Variants in G3BP2 observed in about 807,000 individuals in gnomAD.
G3BP2 encodes the protein G3BP stress granule assembly factor 2.
A neutral mutation model predicts 56.7 loss-of-function variants in G3BP2; 11 were observed. That is an observed-to-expected ratio of 0.19 (90% confidence interval 0.12 to 0.32). The LOEUF (loss-of-function observed/expected upper bound fraction) is 0.32. Among genes scored for constraint, G3BP2 ranks in the 10% least tolerant of loss-of-function variants. The pLI, the probability that G3BP2 is intolerant of heterozygous loss-of-function variation, is 1.00. For missense variants in G3BP2, 340 were observed against 610.9 expected (o/e 0.56, Z 4.67); for synonymous variants, 165 against 191.6 (o/e 0.86, Z 1.15).
intron 1 of G3BP2, among the ~76,000 whole-genome samples, chr4:75,671,127 T>C (rs1363337148): frequency 6.6e-6 from 1 of 152,210 alleles, no homozygotes; most frequent in East Asian, 1.9e-4. Flanking sequence ...GACCAATTTA[T>C]TCTATCGGAT....
chr4:75,672,011 C>T (rs1733525382), intron 1 of G3BP2, among the ~76,000 whole-genome samples: 1 of 152,198 alleles, frequency 6.6e-6, no homozygotes, highest in Non-Finnish European at 1.5e-5. Context: ...TTTCCTAGAT[C>T]CAGGTACCTG....
intron 3 of G3BP2, among the ~76,000 whole-genome samples, chr4:75,704,624 A>AT (rs1719474874): frequency 6.8e-6 from 1 of 147,220 alleles, no homozygotes; most frequent in East Asian, 2.1e-4. Flanking sequence ...GGCCCAATAT[A>AT]TTTTTTTAAT....
At chr4:75,658,976 A>G (rs748499897) in intron 2 of G3BP2, 52 bp from the exon 3 acceptor site, 28 of 1,368,148 alleles carry the variant, frequency 2.0e-5, no homozygotes, top group African/African-American at 1.1e-4. Flanking sequence ...GAAGCCTAAG[A>G]AGCAGAATTC....
intron 8 of G3BP2, among the ~76,000 whole-genome samples, chr4:75,653,765 C>A (rs1021258947): frequency 3.3e-5 from 5 of 151,976 alleles, no homozygotes; most frequent in African/African-American, 1.2e-4. Flanking sequence ...CTGGTAAAAA[C>A]CAACTTAATC....
intron 3 of G3BP2, among the ~76,000 whole-genome samples, chr4:75,684,948 C>A (rs1296360244): frequency 6.6e-6 from 1 of 151,976 alleles, no homozygotes; most frequent in Non-Finnish European, 1.5e-5. Context: ...ATAAAGAATA[C>A]TATTTTTTAT....
chr4:75,701,312 GAC>G (rs1719334867), intron 3 of G3BP2, among the ~76,000 whole-genome samples: 1 of 152,000 alleles, frequency 6.6e-6, no homozygotes, highest in African/African-American at 2.4e-5. Flanking sequence ...TTCTTTTTGA[GAC>G]ACAGTCTCAC....
intron 3 of G3BP2, among the ~76,000 whole-genome samples, chr4:75,678,999 A>G (rs1318490130): frequency 6.6e-6 from 1 of 152,202 alleles, no homozygotes; most frequent in Non-Finnish European, 1.5e-5. Context: ...AACAACTTAC[A>G]TTTGTATAGC....
intron 8 of G3BP2, among the ~76,000 whole-genome samples, chr4:75,649,260 G>T (rs1385885586): frequency 6.6e-6 from 1 of 152,094 alleles, no homozygotes; most frequent in Non-Finnish European, 1.5e-5. Context: ...ATAAAAATTA[G>T]CTTGCTCTAA....
In G3BP2 at chr4:75,645,711, AAG is replaced by A; in HGVS notation, c.1177-11_1177-10del. On this transcript the variant is annotated splice_polypyrimidine_tract_variant and intron_variant, in intron 11 of 11. Transcript: ENST00000359707. ...CCTCGAAACATAATCGGCTTTATAA[AAG>A]AGAAGAAAAATATTTACATGGGCAG... 1 of 1,611,550 alleles carries A rather than the reference AAG, an allele frequency of 6.2e-7. No homozygotes were observed. The highest frequency in any genetic ancestry group is 2.2e-5 in the East Asian group (1 of 44,876).
chr4:75,661,635 G>A, intron 2 of G3BP2: 1 of 201,308 alleles, frequency 5.0e-6, no homozygotes, highest in Non-Finnish European at 1.0e-5. Context: ...TCCACCCTGA[G>A]TGACAGAGGA....
chr4:75,693,860 A>G (rs1718982887), intron 3 of G3BP2, among the ~76,000 whole-genome samples: 1 of 150,746 alleles, frequency 6.6e-6, no homozygotes, highest in African/African-American at 2.4e-5. Context: ...TTAGCCTCCC[A>G]AGTAACGAGG....
chr4:75,709,079 A>T (rs1719655434), intron 3 of G3BP2, among the ~76,000 whole-genome samples: 1 of 152,082 alleles, frequency 6.6e-6, no homozygotes, highest in Non-Finnish European at 1.5e-5. Context: ...ACTGCACTCC[A>T]GCCTGGGCAA....
intron 3 of G3BP2, among the ~76,000 whole-genome samples, chr4:75,696,806 A>G (rs1719135624): frequency 6.6e-6 from 1 of 152,194 alleles, no homozygotes; most frequent in South Asian, 2.1e-4. Context: ...TACATAACAC[A>G]GGTCCATGTT....
chr4:75,681,178 G>C (rs1279487763), intron 3 of G3BP2, among the ~76,000 whole-genome samples: 1 of 151,072 alleles, frequency 6.6e-6, no homozygotes, highest in Admixed American at 6.6e-5. Context: ...ATAAAAATTT[G>C]CCGGGCGTGG....
intron 1 of G3BP2, among the ~76,000 whole-genome samples, chr4:75,667,617 C>T (rs1252820567): frequency 3.3e-5 from 5 of 152,032 alleles, no homozygotes; most frequent in African/African-American, 1.2e-4. Context: ...CAAGGCCAGG[C>T]GCAGTGGCTC....
intron 1 of G3BP2, 121 bp downstream of exon 1, chr4:75,673,087 T>C (rs1169541487): frequency 3.9e-6 from 4 of 1,032,832 alleles, no homozygotes; most frequent in Non-Finnish European, 4.6e-6. Flanking sequence ...ACAATGTCTC[T>C]GCCGCTACAC....
chr4:75,656,344 C>T (rs1346858759), intron 5 of G3BP2, among the ~76,000 whole-genome samples: 3 of 151,720 alleles, frequency 2.0e-5, no homozygotes, highest in Admixed American at 2.0e-4. Context: ...ATCCCCTGTT[C>T]TCTCAAAAAC....
chr4:75,685,479 G>A (rs1056797723), intron 3 of G3BP2, among the ~76,000 whole-genome samples: 4 of 147,962 alleles, frequency 2.7e-5, no homozygotes, highest in Non-Finnish European at 4.5e-5. Flanking sequence ...CCAACCTGGG[G>A]GACAGAATGA....
intron 3 of G3BP2, among the ~76,000 whole-genome samples, chr4:75,684,018 T>G (rs1462399827): frequency 6.6e-6 from 1 of 152,148 alleles, no homozygotes; most frequent in Admixed American, 6.6e-5. Flanking sequence ...CCAAGAGACT[T>G]TCAATGAGTA....
Sources: allele counts gnomAD v4.1 joint callset (sites outside exome capture counted in the v4.1 genomes callset), GRCh38; gene constraint gnomAD v4.1.1; transcripts MANE v1.5; gene names NCBI Gene and HGNC (gene_info 2026-07-23, HGNC 2026-07-21).